BICC1: variants seen among roughly 807,000 people sequenced by gnomAD.
The protein encoded by BICC1 is protein bicaudal C homolog 1.
A neutral mutation model predicts 111.0 loss-of-function variants in BICC1; 43 were observed. That is an observed-to-expected ratio of 0.39 (90% confidence interval 0.30 to 0.50). The LOEUF (loss-of-function observed/expected upper bound fraction) is 0.50, where lower values mean the gene tolerates loss of function less well. Ranked by LOEUF, BICC1 falls within the 20% of genes least tolerant of loss-of-function variation. The pLI, the probability that BICC1 is intolerant of heterozygous loss-of-function variation, is 0.88. For missense variants in BICC1, 1,091 were observed against 1,203.2 expected (o/e 0.91, Z 1.38); for synonymous variants, 467 against 434.4 (o/e 1.07, Z -0.93).
intron 2 of BICC1, among the ~76,000 whole-genome samples, chr10:58,682,725 G>C (rs186135808): frequency 6.6e-6 from 1 of 152,270 alleles, no homozygotes; most frequent in Middle Eastern, 3.4e-3. Context: ...TTTTGATGGG[G>C]TTGTTTGATT....
chr10:58,760,495 G>A (rs1842282143), intron 3 of BICC1, among the ~76,000 whole-genome samples: 1 of 152,066 alleles, frequency 6.6e-6, no homozygotes, highest in Non-Finnish European at 1.5e-5. Flanking sequence ...TAATACAGAG[G>A]AATTTCTGTT....
chr10:58,787,174 CAA>C, intron 5 of BICC1, 93 bp downstream of exon 5: 6 of 1,007,508 alleles, frequency 6.0e-6, no homozygotes, highest in Non-Finnish European at 6.8e-6. Flanking sequence ...AGAGGTGAGA[CAA>C]AAAAAAAATC....
At chr10:58,620,017 T>G (rs1845749985) in intron 1 of BICC1, among the ~76,000 whole-genome samples, 1 of 152,192 alleles carries the variant, frequency 6.6e-6, no homozygotes, top group South Asian at 2.1e-4. Flanking sequence ...GCTTCTCTCA[T>G]TAATCACTAT....
chr10:58,672,979 GA>G (rs1471068190), intron 2 of BICC1, among the ~76,000 whole-genome samples: 2 of 152,174 alleles, frequency 1.3e-5, no homozygotes, highest in African/African-American at 4.8e-5. Flanking sequence ...ATCACATGAA[GA>G]GGTCTGATAT....
At chr10:58,541,671 G>A (rs1266222740) in intron 1 of BICC1, among the ~76,000 whole-genome samples, 1 of 151,918 alleles carries the variant, frequency 6.6e-6, no homozygotes, top group South Asian at 2.1e-4. Flanking sequence ...TATTGAAATA[G>A]CAGTGTTATT....
intron 2 of BICC1, among the ~76,000 whole-genome samples, chr10:58,653,954 A>G: frequency 6.6e-6 from 1 of 151,510 alleles, no homozygotes; most frequent in Non-Finnish European, 1.5e-5. Flanking sequence ...TTCTTGTGAT[A>G]GTTTATTGAG....
At position 58,556,353 on chromosome 10, in the gene BICC1, A is replaced by G. The variant is rs1843449384; in HGVS notation, c.190+43020A>G. On this transcript the variant is annotated intron_variant, in intron 1 of 20. Coordinates refer to ENST00000373886, the MANE Select transcript of BICC1 (RefSeq NM_001080512.3). Reference sequence around the variant, plus strand: ...GAAGCATTTTATGTAAGGAAAATGTATATTAAAAGTTATTGAATTTCTTGA... The same window carrying G: ...GAAGCATTTTATGTAAGGAAAATGTGTATTAAAAGTTATTGAATTTCTTGA... 3.3e-5 allele frequency among the ~76,000 whole-genome samples: 5 copies of G among 152,178 alleles called. No homozygotes were observed. The South Asian group carries it at 1.0e-3, about 31-fold the overall frequency.
chr10:58,526,587 C>T (rs1260263257), intron 1 of BICC1, among the ~76,000 whole-genome samples: 1 of 151,654 alleles, frequency 6.6e-6, no homozygotes, highest in Non-Finnish European at 1.5e-5. Flanking sequence ...GCTCCCCCCA[C>T]CCCACGACAG....
intron 2 of BICC1, among the ~76,000 whole-genome samples, chr10:58,629,387 T>A (rs1837727945): frequency 6.6e-6 from 1 of 152,176 alleles, no homozygotes; most frequent in Non-Finnish European, 1.5e-5. Context: ...GACTTTATGC[T>A]TGGCTACTAT....
At chr10:58,675,089 GT>G (rs1161096584) in intron 2 of BICC1, among the ~76,000 whole-genome samples, 5 of 152,168 alleles carry the variant, frequency 3.3e-5, no homozygotes, top group Non-Finnish European at 7.3e-5. Context: ...TATGGACATG[GT>G]TTTGGAGAGG....
Position 58,637,704 on chromosome 10 carries a change from A to G in BICC1, c.237+16803A>G, listed in dbSNP as rs534146147. The stretch of plus-strand genomic sequence containing the variant: ...TTATTGTTATGAAAGCTTTTATAGA[A>G]TATTGAATGCAGGGCACTGTGTTAG... On this transcript the variant is annotated intron_variant, in intron 2 of 20. Coordinates refer to ENST00000373886, the MANE Select transcript of BICC1 (RefSeq NM_001080512.3). Among the ~76,000 whole-genome samples, 3 of 152,348 alleles carry G rather than the reference A, an allele frequency of 2.0e-5. No homozygotes were observed. In the South Asian group the frequency reaches 6.2e-4, roughly 32 times the overall value.
chr10:58,732,714 G>A (rs969971856), intron 3 of BICC1, among the ~76,000 whole-genome samples: 1 of 151,842 alleles, frequency 6.6e-6, no homozygotes, highest in Non-Finnish European at 1.5e-5. Flanking sequence ...CCAGGAGGTC[G>A]AGGCTGCAGT....
At chr10:58,651,510 G>C (rs913384502) in intron 2 of BICC1, among the ~76,000 whole-genome samples, 1 of 152,146 alleles carries the variant, frequency 6.6e-6, no homozygotes, top group Non-Finnish European at 1.5e-5. Context: ...AGTAAAATTT[G>C]CAGCCCAAAA....
intron 3 of BICC1, among the ~76,000 whole-genome samples, chr10:58,727,242 A>C (rs1403701284): frequency 6.6e-6 from 1 of 152,188 alleles, no homozygotes; most frequent in Non-Finnish European, 1.5e-5. Context: ...TCTCTTTGAG[A>C]AAACTTAGTG....
At chr10:58,620,815 A>G (rs1845778130) in intron 1 of BICC1, 40 bp from the exon 2 acceptor site, 8 of 1,597,146 alleles carry the variant, frequency 5.0e-6, no homozygotes, top group African/African-American at 2.7e-5. Context: ...GAATGCATAC[A>G]TTGAAAAAGT....
chr10:58,784,202 A>G (rs1463366638), intron 3 of BICC1, among the ~76,000 whole-genome samples: 2 of 152,146 alleles, frequency 1.3e-5, no homozygotes, highest in African/African-American at 4.8e-5. Flanking sequence ...GTCTCTGCAG[A>G]AGAGCCAAGT....
At chr10:58,538,737 A>G (rs1416403905) in intron 1 of BICC1, among the ~76,000 whole-genome samples, 1 of 151,976 alleles carries the variant, frequency 6.6e-6, no homozygotes, top group Non-Finnish European at 1.5e-5. Context: ...ATCACTAAGA[A>G]AAAACAAATA....
At chr10:58,826,734 G>A (rs2132997218) in intron 20 of BICC1, among the ~76,000 whole-genome samples, 1 of 152,296 alleles carries the variant, frequency 6.6e-6, no homozygotes, top group Non-Finnish European at 1.5e-5. Flanking sequence ...ACTCCAGCCT[G>A]GGCTATAGAG....
intron 2 of BICC1, among the ~76,000 whole-genome samples, chr10:58,630,975 A>G (rs973559470): frequency 3.3e-5 from 5 of 152,260 alleles, no homozygotes; most frequent in Admixed American, 6.5e-5. Context: ...CATATATACT[A>G]TAAAGTATAT....
Sources: allele counts gnomAD v4.1 joint callset (sites outside exome capture counted in the v4.1 genomes callset), GRCh38; gene constraint gnomAD v4.1.1; transcripts MANE v1.5; gene names NCBI Gene and HGNC (gene_info 2026-07-23, HGNC 2026-07-21).